TEK: variants seen among roughly 807,000 people sequenced by gnomAD.
TEK encodes the protein angiopoietin-1 receptor.
In TEK, 43 loss-of-function variants were observed where a neutral mutation model predicts 131.8. That is an observed-to-expected ratio of 0.33 (90% confidence interval 0.26 to 0.42). TEK has a LOEUF of 0.42. Ranked by LOEUF, TEK falls within the 10% of genes least tolerant of loss-of-function variation. TEK has a pLI of 1.00. For missense variants in TEK, 1,162 were observed against 1,384.4 expected (o/e 0.84, Z 2.55); for synonymous variants, 580 against 491.6 (o/e 1.18, Z -2.38).
rs1376850795 is a variant in TEK at position 27,144,733 on chromosome 9, C to G, written c.53-13098C>G. Among the ~76,000 whole-genome samples, 3 of 152,068 alleles carry G rather than the reference C, an allele frequency of 2.0e-5. No homozygotes were observed. The East Asian group carries it at 5.8e-4, about 29-fold the overall frequency. ...TTCCAAAATTGTAGTAAAGCAATTC[C>G]TAAACTAAATGGTACAAGGCTGGAG... On this transcript the variant is annotated intron_variant, in intron 1 of 22. Transcript: ENST00000380036.
In TEK at chr9:27,110,097, A is replaced by C. The variant is rs73440228; in HGVS notation, c.52+455A>C. On this transcript the variant is annotated intron_variant, in intron 1 of 22. Transcript: ENST00000380036. ...CAGTGTATAGATTGTCACTGTTAAA[A>C]GGGAACAAAGATGCTTTTCTGTAAA... 4.6e-3 allele frequency among the ~76,000 whole-genome samples: 696 copies of C among 152,188 alleles called. 3 individuals carry two copies. The highest frequency in any genetic ancestry group is 0.016 in the African/African-American group (652 of 41,530).
chr9:27,186,551 A>G (rs1157558531), intron 9 of TEK, among the ~76,000 whole-genome samples: 1 of 152,214 alleles, frequency 6.6e-6, no homozygotes, highest in Non-Finnish European at 1.5e-5. Flanking sequence ...GCTGATCCAC[A>G]GATGTGAACC....
chr9:27,210,292 ACC>A, intron 16 of TEK: 1 of 140,830 alleles, frequency 7.1e-6, no homozygotes, highest in African/African-American at 2.7e-5. Flanking sequence ...ACACACACAC[ACC>A]CTGCTGTCCT....
At chr9:27,131,752 A>G in intron 1 of TEK, among the ~76,000 whole-genome samples, 1 of 149,354 alleles carries the variant, frequency 6.7e-6, no homozygotes, top group South Asian at 2.1e-4. Context: ...GGCTTCAGTG[A>G]GCCATGATTG....
intron 11 of TEK, chr9:27,195,734 A>G (rs1012259112): frequency 4.4e-6 from 2 of 453,968 alleles, no homozygotes; most frequent in African/African-American, 4.0e-5. Context: ...TAGAGCCCCT[A>G]ACACCTTCCA....
chr9:27,110,751 C>T (rs1821311461), intron 1 of TEK, among the ~76,000 whole-genome samples: 4 of 152,092 alleles, frequency 2.6e-5, no homozygotes, highest in East Asian at 1.9e-4. Context: ...TAGCTCTCAA[C>T]AACCAATATT....
intron 2 of TEK, among the ~76,000 whole-genome samples, chr9:27,161,882 A>G (rs1823560553): frequency 6.6e-6 from 1 of 152,240 alleles, no homozygotes; most frequent in Non-Finnish European, 1.5e-5. Context: ...TACCAATTAC[A>G]TTATCTGCTT....
chr9:27,184,514 C>T (rs370936022), intron 8 of TEK, among the ~76,000 whole-genome samples: 63 of 152,280 alleles, frequency 4.1e-4, no homozygotes, highest in African/African-American at 1.4e-3. Context: ...CTAGGGTCCA[C>T]GTTTCAATGT....
chr9:27,219,848 G>A (rs1467863326), intron 20 of TEK, among the ~76,000 whole-genome samples: 1 of 152,016 alleles, frequency 6.6e-6, no homozygotes, highest in Non-Finnish European at 1.5e-5. Flanking sequence ...TTCCCCTGAA[G>A]CAATGATCAT....
At chr9:27,211,667 A>G (rs55893930) in intron 16 of TEK, among the ~76,000 whole-genome samples, 6,141 of 151,926 alleles carry the variant, frequency 0.04, 170 homozygotes, top group Non-Finnish European at 0.063. Context: ...ATTAGGTCTC[A>G]GTATACTGCC....
intron 1 of TEK, among the ~76,000 whole-genome samples, chr9:27,113,048 G>A (rs1032047542): frequency 6.6e-6 from 1 of 152,172 alleles, no homozygotes; most frequent in African/African-American, 2.4e-5. Context: ...GAAATCTACT[G>A]CTAAGAGCAC....
rs1180433651 is a variant in TEK at position 27,192,486 on chromosome 9, C to T, written c.1490-3C>T. On this transcript the variant is annotated splice_region_variant and splice_polypyrimidine_tract_variant and intron_variant, in intron 10 of 22. Coordinates refer to ENST00000380036, the MANE Select transcript of TEK (RefSeq NM_000459.5). ...AAGTTTCCTGGACGTTTTCTCTTCT[C>T]AGTGACAAATGAGATTGTTACACTC... 13 of 1,613,692 alleles carry T rather than the reference C, an allele frequency of 8.1e-6. No homozygotes were observed. Among genetic ancestry groups the T allele is most frequent in the Admixed American group, 3.3e-5 (2 of 59,968 alleles).
At chr9:27,151,856 T>G (rs1823138801) in intron 1 of TEK, among the ~76,000 whole-genome samples, 2 of 152,210 alleles carry the variant, frequency 1.3e-5, no homozygotes, top group Admixed American at 1.3e-4. Context: ...AAGATAATTT[T>G]TCTTTTTCAG....
At chr9:27,124,555 G>A (rs1417368480) in intron 1 of TEK, among the ~76,000 whole-genome samples, 1 of 152,230 alleles carries the variant, frequency 6.6e-6, no homozygotes, top group Non-Finnish European at 1.5e-5. Context: ...CAAGGGACGG[G>A]AAATACACTC....
chr9:27,160,174 C>T (rs1823497641), intron 2 of TEK, among the ~76,000 whole-genome samples: 1 of 151,908 alleles, frequency 6.6e-6, no homozygotes, highest in Admixed American at 6.6e-5. Flanking sequence ...AGGCATGCAC[C>T]ACCATGCCTG....
At chr9:27,173,136 A>G in intron 5 of TEK, 86 bp from the exon 6 acceptor site, 14 of 1,546,940 alleles carry the variant, frequency 9.1e-6, no homozygotes, top group Non-Finnish European at 1.2e-5. Context: ...CATATTCACT[A>G]GACTAGGAGA....
intron 2 of TEK, among the ~76,000 whole-genome samples, chr9:27,158,727 T>G (rs1027751213): frequency 1.3e-5 from 2 of 151,772 alleles, no homozygotes; most frequent in Admixed American, 1.3e-4. Context: ...TGGCATGATT[T>G]TGGCTCACTG....
At chr9:27,197,679 G>A in intron 12 of TEK, 80 bp downstream of exon 12, 2 of 1,553,784 alleles carry the variant, frequency 1.3e-6, no homozygotes, top group South Asian at 1.1e-5. Context: ...ATCACTGCAG[G>A]ACTATTGGAA....
rs1435913811 is a variant in TEK at position 27,213,109 on chromosome 9, G to A, written c.2877+212G>A. ...AGCAATTTTCATAATTATGAAAATTGTATAATTTTCTTCTATCTAATTTCA... is the reference window on the plus strand; with the variant it reads ...AGCAATTTTCATAATTATGAAAATTATATAATTTTCTTCTATCTAATTTCA... On this transcript the variant is annotated intron_variant, in intron 17 of 22. Coordinates refer to ENST00000380036, the MANE Select transcript of TEK (RefSeq NM_000459.5). Among the ~76,000 whole-genome samples, 6 of 152,028 alleles carry A rather than the reference G, an allele frequency of 3.9e-5. 1 individual carries two copies. Among genetic ancestry groups the A allele is most frequent in the African/African-American group, 9.7e-5 (4 of 41,364 alleles).
Sources: gnomAD v4.1 joint callset for allele counts (sites outside exome capture counted in the v4.1 genomes callset) on GRCh38, gnomAD v4.1.1 for gene constraint, MANE v1.5 for transcripts, NCBI Gene and HGNC (gene_info 2026-07-23, HGNC 2026-07-21) for gene names.